The following ZNG1B variants were observed in gnomAD, a reference collection of about 807,000 sequenced individuals.
The protein encoded by ZNG1B is Zn regulated GTPase metalloprotein activator 1B, also known as zinc-regulated GTPase metalloprotein activator 1B.
the ZNG1B span, among the ~76,000 whole-genome samples, chr2:113,493,165 C>G: frequency 1.5e-5 from 2 of 132,536 alleles, no homozygotes; most frequent in Admixed American, 1.6e-4. Flanking sequence ...GCTAAGAACT[C>G]TTCTCCTCTT....
the ZNG1B span, among the ~76,000 whole-genome samples, chr2:113,464,842 G>A: frequency 5.3e-5 from 8 of 151,826 alleles, no homozygotes; most frequent in Admixed American, 2.6e-4. Flanking sequence ...CTAAAGTGAA[G>A]CGTCTTTTTA....
chr2:113,483,323 T>A, the ZNG1B span, among the ~76,000 whole-genome samples: 1 of 151,996 alleles, frequency 6.6e-6, no homozygotes, highest in African/African-American at 2.4e-5. Context: ...GCGGTTACGA[T>A]GCCTTGCAGT....
At chr2:113,455,548 C>T in the ZNG1B span, 7 of 1,280,982 alleles carry the variant, frequency 5.5e-6, no homozygotes, top group African/African-American at 1.1e-4. Flanking sequence ...TGTTTCTCAG[C>T]TTCCCAAGTG....
chr2:113,440,396 T>C, the ZNG1B span, among the ~76,000 whole-genome samples: 1 of 152,048 alleles, frequency 6.6e-6, no homozygotes, highest in African/African-American at 2.4e-5. Context: ...TTCACATCAC[T>C]GCCCTGTGAA....
At chr2:113,483,449 G>A in the ZNG1B span, among the ~76,000 whole-genome samples, 19 of 151,218 alleles carry the variant, frequency 1.3e-4, no homozygotes, top group East Asian at 3.3e-3. Flanking sequence ...AGAATGAAAA[G>A]CTGCGTTTCT....
At chr2:113,446,351 A>T in the ZNG1B span, among the ~76,000 whole-genome samples, 1 of 152,186 alleles carries the variant, frequency 6.6e-6, no homozygotes, top group Non-Finnish European at 1.5e-5. Flanking sequence ...TACAATAAAG[A>T]TTTTATTGTT....
chr2:113,454,691 T>A, the ZNG1B span: 1 of 1,549,502 alleles, frequency 6.5e-7, no homozygotes, highest in Non-Finnish European at 8.9e-7. Context: ...TGCACAAATA[T>A]TAATAAACAT....
At chr2:113,494,793 A>C in the ZNG1B span, 3,924 of 631,232 alleles carry the variant, frequency 6.2e-3, 452 homozygotes, top group African/African-American at 0.079. Context: ...AATCAATAGG[A>C]TATGATACAT....
chr2:113,473,115 T>A, the ZNG1B span, among the ~76,000 whole-genome samples: 8 of 150,472 alleles, frequency 5.3e-5, no homozygotes, highest in African/African-American at 2.0e-4. Context: ...TTCCTACCCA[T>A]GAGCATGGAA....
At chr2:113,443,090 G>A in the ZNG1B span, among the ~76,000 whole-genome samples, 32,417 of 150,098 alleles carry the variant, frequency 0.22, 3,550 homozygotes, top group East Asian at 0.52. Flanking sequence ...TGCCTCAGCC[G>A]CCTGAGTAGC....
the ZNG1B span, among the ~76,000 whole-genome samples, chr2:113,472,918 G>A: frequency 3.3e-5 from 5 of 150,562 alleles, no homozygotes; most frequent in African/African-American, 9.9e-5. Flanking sequence ...GTCAGGTAGT[G>A]TGATGCCTCC....
chr2:113,471,044 C>G, the ZNG1B span: 5 of 1,579,800 alleles, frequency 3.2e-6, no homozygotes, highest in African/African-American at 4.1e-5. Context: ...GTTGATCTCT[C>G]TAATGTATTA....
At chr2:113,470,937 G>A in the ZNG1B span, 5 of 1,380,178 alleles carry the variant, frequency 3.6e-6, no homozygotes, top group South Asian at 2.4e-5. Context: ...TGAATTTTAT[G>A]TATAAAATTT....
the ZNG1B span, among the ~76,000 whole-genome samples, chr2:113,487,436 T>C: frequency 6.6e-6 from 1 of 152,192 alleles, no homozygotes; most frequent in Non-Finnish European, 1.5e-5. Context: ...GGGTACAATA[T>C]AGTATTGTTA....
the ZNG1B span, chr2:113,444,945 A>T: frequency 5.1e-4 from 820 of 1,608,910 alleles, 4 homozygotes; most frequent in African/African-American, 9.7e-3. Context: ...ACTGTAAATG[A>T]TGTTTTGGTA....
chr2:113,448,627 G>A, the ZNG1B span, among the ~76,000 whole-genome samples: 3,422 of 151,804 alleles, frequency 0.023, 87 homozygotes, highest in African/African-American at 0.076. Flanking sequence ...GTTGCTGGCC[G>A]GGCTCGGTGG....
At chr2:113,480,999 C>T in the ZNG1B span, among the ~76,000 whole-genome samples, 1 of 147,792 alleles carries the variant, frequency 6.8e-6, no homozygotes. Context: ...CTAGATTAGT[C>T]TTTTAAAAAT....
the ZNG1B span, among the ~76,000 whole-genome samples, chr2:113,485,782 G>A: frequency 1.3e-5 from 2 of 152,010 alleles, no homozygotes; most frequent in East Asian, 1.9e-4. Flanking sequence ...ACCTATAAAA[G>A]TTATTGTATG....
the ZNG1B span, among the ~76,000 whole-genome samples, chr2:113,474,254 G>T: frequency 6.6e-6 from 1 of 151,848 alleles, no homozygotes; most frequent in African/African-American, 2.4e-5. Context: ...ATTTCTTCTA[G>T]ATTTTCTAGT....
Sources: gnomAD v4.1 joint callset for allele counts (sites outside exome capture counted in the v4.1 genomes callset) on GRCh38, gnomAD v4.1.1 for gene constraint, MANE v1.5 for transcripts, NCBI Gene and HGNC (gene_info 2026-07-23, HGNC 2026-07-21) for gene names.